The following KLHDC7A variants were observed in gnomAD, a reference collection of about 807,000 sequenced individuals.
KLHDC7A encodes kelch domain-containing protein 7A.
For synonymous variants in KLHDC7A, 464 were observed against 461.0 expected, an observed-to-expected ratio of 1.01 and a Z score of -0.08; for missense variants, 1,123 against 1,052.6, an observed-to-expected ratio of 1.07 and a Z score of -0.93.
chr1:18,483,218 T>C lies in KLHDC7A; in HGVS notation c.2237T>C (p.Val746Ala). ...FLADSVSPRF[V>A]PKELRSFPAP... Reference sequence around the variant, plus strand: ...GCAGACTCTGTCTCACCCAGGTTTGTGCCCAAGGAGCTGCGGAGTTTCCCG... The same window carrying C: ...GCAGACTCTGTCTCACCCAGGTTTGCGCCCAAGGAGCTGCGGAGTTTCCCG... Residue 746 changes from valine (V) to alanine (A), a missense_variant, in exon 1 of 1, where the codon GTG becomes GCG. Physicochemically the swap from Val to Ala is moderately conservative, Grantham distance 64. Transcript: ENST00000400664. 6.2e-7 allele frequency: 1 copy of C among 1,614,020 alleles called. No homozygotes were observed. The highest frequency in any genetic ancestry group is 8.5e-7 in the Non-Finnish European group (1 of 1,180,024).
Position 18,481,142 on chromosome 1 carries a change from C to A in KLHDC7A, c.161C>A (p.Ala54Glu). 1 of 1,613,114 alleles carries A rather than the reference C, an allele frequency of 6.2e-7. No homozygotes were observed. Reference protein sequence around the residue: ...PAQRWGGNGQAEAKEEAEGSG... With the variant: ...PAQRWGGNGQEEAKEEAEGSG... The stretch of plus-strand genomic sequence containing the variant: ...CAGCGGTGGGGTGGGAATGGCCAGG[C>A]AGAAGCCAAGGAGGAAGCAGAGGGC... Residue 54 changes from alanine to glutamate, a missense_variant, in exon 1 of 1, where the codon GCA (alanine) becomes GAA (glutamate). Ala to Glu is a moderately radical substitution (Grantham distance 107). Transcript: ENST00000400664.
chr1:18,483,249 G>T lies in KLHDC7A; in HGVS notation c.2268G>T (p.Pro756=), dbSNP rs762203639. The T allele has an allele frequency of 1.4e-5, 23 of 1,613,670 alleles. No individual in the cohort carries two copies. The highest frequency in any genetic ancestry group is 6.6e-5 in the South Asian group (6 of 91,088). ...AGGAGCTGCGGAGTTTCCCGGCCCC[G>T]CAGGGCACCCTCCTGCCCACCGTCC... ...VPKELRSFPA[P]QGTLLPTVLT... is the part of the protein sequence containing the mutation. Residue 756 remains proline (P), a synonymous_variant, in exon 1 of 1, where the codon CCG becomes CCT. Transcript: ENST00000400664.
rs2086929825 is a variant in KLHDC7A at position 18,485,921 on chromosome 1, TG to T, written c.*2607del. ...TCACTGGAAAGGAAAGATGATGCTCTGTTTTAAACATTAAAAGTATACAAGT... is the reference window on the plus strand; with the variant it reads ...TCACTGGAAAGGAAAGATGATGCTCTTTTTAAACATTAAAAGTATACAAGT... On this transcript the variant is annotated 3_prime_UTR_variant, in exon 1 of 1. Coordinates refer to ENST00000400664, the MANE Select transcript of KLHDC7A (RefSeq NM_152375.3). 2.4e-5 allele frequency: 4 copies of T among 166,968 alleles called. No homozygotes were observed. Among genetic ancestry groups the T allele is most frequent in the South Asian group, 2.1e-4 (1 of 4,814 alleles). The allele number at this position is 166,968 out of a possible 1,614,324, so 10.3% of individuals were successfully genotyped here. A position where few individuals can be genotyped will look rare whatever the true frequency, so the allele number is the denominator to read the frequency against.
rs763636692 is a variant in KLHDC7A at position 18,483,981 on chromosome 1, T to A, written c.*666T>A. The A allele has an allele frequency of 7.7e-7, 1 of 1,304,240 alleles. No individual in the cohort carries two copies. The highest frequency in any genetic ancestry group is 1.5e-5 in the African/African-American group (1 of 66,006). 80.8% of individuals were successfully genotyped at this position (1,304,240 alleles called of 1,614,324 possible). A position where few individuals can be genotyped will look rare whatever the true frequency, so the allele number is the denominator to read the frequency against. On this transcript the variant is annotated 3_prime_UTR_variant, in exon 1 of 1. Transcript: ENST00000400664. Reference sequence around the variant, plus strand: ...ACCAAAGCCCACATTACTTTTCTCCTTATTGGAAGAAAGAGAAGCAGCCAT... The same window carrying A: ...ACCAAAGCCCACATTACTTTTCTCCATATTGGAAGAAAGAGAAGCAGCCAT...
Position 18,482,254 on chromosome 1 carries a change from G to A in KLHDC7A, c.1273G>A (p.Ala425Thr), listed in dbSNP as rs1242445241. ...CCATATCCCGCTCACCCCTGCTTCA[G>A]CCCCACAGGTCCGCCTGGATCTGGG... The part of the protein sequence containing the change: ...FFHIPLTPAS[A>T]PQVRLDLGNC... The change falls in exon 1 of 1, where the codon GCC (alanine) becomes ACC (threonine). Residue 425 changes from alanine (A) to threonine (T), a missense_variant. Physicochemically the swap from Ala to Thr is moderately conservative, Grantham distance 58. Coordinates refer to ENST00000400664, the MANE Select transcript of KLHDC7A (RefSeq NM_152375.3). 5 of 1,605,718 alleles carry A rather than the reference G, an allele frequency of 3.1e-6. No homozygotes were observed. The highest frequency in any genetic ancestry group is 4.2e-6 in the Non-Finnish European group (5 of 1,179,926).
At position 18,482,782 on chromosome 1, in the gene KLHDC7A, T is replaced by C. The variant is rs1355796248; in HGVS notation, c.1801T>C (p.Ser601Pro). ...LYAIGGECLN[S>P]VERYDPRLDR... Reference sequence around the variant, plus strand: ...TGCCATCGGCGGAGAGTGTCTGAACTCGGTGGAGCGTTACGACCCCCGCCT... The same window carrying C: ...TGCCATCGGCGGAGAGTGTCTGAACCCGGTGGAGCGTTACGACCCCCGCCT... Residue 601 changes from serine (S) to proline (P), a missense_variant, in exon 1 of 1, where the codon TCG becomes CCG. Ser to Pro is a moderately conservative substitution (Grantham distance 74). Coordinates refer to ENST00000400664, the MANE Select transcript of KLHDC7A (RefSeq NM_152375.3). The C allele has an allele frequency of 6.2e-7, 1 of 1,609,072 alleles. No individual in the cohort carries two copies.
Position 18,481,455 on chromosome 1 carries a change from C to T in KLHDC7A, c.474C>T (p.Phe158=). ...GCAGTAACCCTGACCCTCCCCATTTCCCCCGCTTGGGCAGCGAACCGAAGA... is the reference window on the plus strand; with the variant it reads ...GCAGTAACCCTGACCCTCCCCATTTTCCCCGCTTGGGCAGCGAACCGAAGA... ...AVGSNPDPPH[F]PRLGSEPKSS... Residue 158 remains phenylalanine, a synonymous_variant, in exon 1 of 1, where the codon TTC becomes TTT. Transcript: ENST00000400664. The T allele has an allele frequency of 6.2e-7, 1 of 1,613,546 alleles. No homozygotes were observed. The highest frequency in any genetic ancestry group is 8.5e-7 in the Non-Finnish European group (1 of 1,179,876).
Position 18,482,159 on chromosome 1 carries a change from G to A in KLHDC7A, c.1178G>A (p.Gly393Asp). The change falls in exon 1 of 1, where the codon GGC (glycine) becomes GAC (aspartate). Residue 393 changes from glycine to aspartate, a missense_variant. By Grantham distance (94) the Gly-to-Asp change is moderately conservative. Transcript: ENST00000400664. ...CCCGCTCCACCCTGCCCAGACCCGG[G>A]CGCCCTGCCTGGCTTAGGCAGAAGC... ...RLPAPPCPDP[G>D]ALPGLGRSSR... 6.2e-7 allele frequency: 1 copy of A among 1,611,636 alleles called. No homozygotes were observed. The highest frequency in any genetic ancestry group is 8.5e-7 in the Non-Finnish European group (1 of 1,179,786).
rs1248306450 is a variant in KLHDC7A at position 18,481,095 on chromosome 1, C to G, written c.114C>G (p.Tyr38Ter). The change falls in exon 1 of 1, where the codon TAC becomes TAG. Residue 38 changes from tyrosine to a stop codon, truncating the protein, a stop_gained. Transcript: ENST00000400664. LOFTEE classifies it low-confidence loss of function (END_TRUNC). ...TGGTGACTGTGGCCTACAGGCTGTA[C>G]AAGTCGAGGCCTGCCCCAGCCCAGC... Reference protein sequence around the residue: ...LLLVTVAYRLYKSRPAPAQRW... With the variant: ...LLLVTVAYRL The G allele has an allele frequency of 2.5e-6, 4 of 1,613,888 alleles. No homozygotes were observed. Among genetic ancestry groups the G allele is most frequent in the Non-Finnish European group, 3.4e-6 (4 of 1,180,000 alleles).
Position 18,484,226 on chromosome 1 carries a change from G to A in KLHDC7A, c.*911G>A, listed in dbSNP as rs1302188610. The A allele has an allele frequency of 5.1e-6, 2 of 392,438 alleles. No homozygotes were observed. The highest frequency in any genetic ancestry group is 3.4e-5 in the Admixed American group (1 of 29,226). The allele number at this position is 392,438 out of a possible 1,614,324, so 24.3% of individuals were successfully genotyped here. ...GGTGACAGCATAATTTGCCCTCCTT[G>A]TGCCAGGTACGGTCACCTGGTTTGC... On this transcript the variant is annotated 3_prime_UTR_variant, in exon 1 of 1. Coordinates refer to ENST00000400664, the MANE Select transcript of KLHDC7A (RefSeq NM_152375.3).
rs199774980 is a variant in KLHDC7A at position 18,482,065 on chromosome 1, C to T, written c.1084C>T (p.Arg362Trp). 24 of 1,612,598 alleles carry T rather than the reference C, an allele frequency of 1.5e-5. No homozygotes were observed. The highest frequency in any genetic ancestry group is 2.2e-5 in the East Asian group (1 of 44,862). ...GPWPSTRGFSRKESLLQIAEN... is the reference protein window; with the variant it reads ...GPWPSTRGFSWKESLLQIAEN... ...GTGGCCCTCCACCCGAGGCTTCAGC[C>T]GGAAGGAGAGCCTTCTGCAGATAGC... Residue 362 changes from arginine (R) to tryptophan (W), a missense_variant, in exon 1 of 1, where the codon CGG (arginine) becomes TGG (tryptophan). By Grantham distance (101) the Arg-to-Trp change is moderately radical (BLOSUM62 -3). Coordinates refer to ENST00000400664, the MANE Select transcript of KLHDC7A (RefSeq NM_152375.3).
rs1235439871 is a variant in KLHDC7A at position 18,484,041 on chromosome 1, G to C, written c.*726G>C. The C allele has an allele frequency of 1.3e-5, 17 of 1,304,070 alleles. No individual in the cohort carries two copies. Among genetic ancestry groups the C allele is most frequent in the Non-Finnish European group, 1.7e-5 (17 of 988,768 alleles). 80.8% of individuals were successfully genotyped at this position (1,304,070 alleles called of 1,614,324 possible). A position where few individuals can be genotyped will look rare whatever the true frequency, so the allele number is the denominator to read the frequency against. On this transcript the variant is annotated 3_prime_UTR_variant, in exon 1 of 1. Transcript: ENST00000400664. ...CTATCTTCTGGTGGAGGTCTGCTAA[G>C]GATACACGGAGGTCTCAGCAAAGGG...
At position 18,483,132 on chromosome 1, in the gene KLHDC7A, G is replaced by C. The variant is rs992993689; in HGVS notation, c.2151G>C (p.Gln717His). 2 of 1,613,902 alleles carry C rather than the reference G, an allele frequency of 1.2e-6. No homozygotes were observed. Among genetic ancestry groups the C allele is most frequent in the African/African-American group, 2.7e-5 (2 of 74,942 alleles). Residue 717 changes from glutamine (Q) to histidine (H), a missense_variant, in exon 1 of 1, where the codon CAG (glutamine) becomes CAC (histidine). By Grantham distance (24) the Gln-to-His change is conservative. Coordinates refer to ENST00000400664, the MANE Select transcript of KLHDC7A (RefSeq NM_152375.3). ...TYRTPYPDAFQCAVVDNLIYC... is the reference protein window; with the variant it reads ...TYRTPYPDAFHCAVVDNLIYC... ...GGACGCCTTACCCGGATGCCTTCCA[G>C]TGCGCCGTGGTGGACAACCTCATCT...
chr1:18,482,447 G>T lies in KLHDC7A; in HGVS notation c.1466G>T (p.Arg489Leu). 1 of 1,610,156 alleles carries T rather than the reference G, an allele frequency of 6.2e-7. No homozygotes were observed. Among genetic ancestry groups the T allele is most frequent in the Middle Eastern group, 1.7e-4 (1 of 6,052 alleles). Residue 489 changes from arginine to leucine, a missense_variant, in exon 1 of 1, where the codon CGG becomes CTG. Transcript: ENST00000400664. The part of the protein sequence containing the change: ...ERELILQRRL[R>L]GRQYLVVADV... ...GAGCTGATCCTGCAGCGCCGGCTCC[G>T]GGGCCGCCAGTACCTGGTGGTGGCT...
In KLHDC7A at chr1:18,482,075, G is replaced by T; in HGVS notation, c.1094G>T (p.Ser365Ile). Reference sequence around the variant, plus strand: ...ACCCGAGGCTTCAGCCGGAAGGAGAGCCTTCTGCAGATAGCGGAGAACCCA... The same window carrying T: ...ACCCGAGGCTTCAGCCGGAAGGAGATCCTTCTGCAGATAGCGGAGAACCCA... The part of the protein sequence containing the change: ...PSTRGFSRKE[S>I]LLQIAENPEL... Residue 365 changes from serine to isoleucine, a missense_variant, in exon 1 of 1, where the codon AGC becomes ATC. By Grantham distance (142) the Ser-to-Ile change is moderately radical. Coordinates refer to ENST00000400664, the MANE Select transcript of KLHDC7A (RefSeq NM_152375.3). The T allele has an allele frequency of 4.3e-6, 7 of 1,612,742 alleles. No homozygotes were observed. Among genetic ancestry groups the T allele is most frequent in the Non-Finnish European group, 5.9e-6 (7 of 1,179,870 alleles).
rs970648257 is a variant in KLHDC7A at position 18,483,398 on chromosome 1, G to A, written c.*83G>A. On this transcript the variant is annotated 3_prime_UTR_variant, in exon 1 of 1. Transcript: ENST00000400664. Reference sequence around the variant, plus strand: ...CCGTCCCTCTGGGGGCCATTTCTAGGCAAACAGGCAACCCAGGAATGTGGC... The same window carrying A: ...CCGTCCCTCTGGGGGCCATTTCTAGACAAACAGGCAACCCAGGAATGTGGC... 1.6e-5 allele frequency: 24 copies of A among 1,547,368 alleles called. No homozygotes were observed. In the African/African-American group the frequency reaches 2.9e-4, roughly 19 times the overall value.
rs750747962 is a variant in KLHDC7A, at chr1:18,481,531, G to A, written c.550G>A (p.Glu184Lys). The change falls in exon 1 of 1, where the codon GAG becomes AAG. Residue 184 changes from glutamate (E) to lysine (K), a missense_variant. By Grantham distance (56) the Glu-to-Lys change is moderately conservative. Transcript: ENST00000400664. ...AAADGSCAGG[E>K]PSPWQDSKPR... is the part of the protein sequence containing the mutation. Reference sequence around the variant, plus strand: ...AGCCGACGGCAGCTGTGCCGGTGGTGAGCCTTCTCCATGGCAGGACAGTAA... The same window carrying A: ...AGCCGACGGCAGCTGTGCCGGTGGTAAGCCTTCTCCATGGCAGGACAGTAA... 6.2e-7 allele frequency: 1 copy of A among 1,613,224 alleles called. No homozygotes were observed. The highest frequency in any genetic ancestry group is 8.5e-7 in the Non-Finnish European group (1 of 1,179,970).
chr1:18,482,909 T>G lies in KLHDC7A; in HGVS notation c.1928T>G (p.Leu643Arg), dbSNP rs1316131624. The G allele has an allele frequency of 1.2e-6, 2 of 1,610,056 alleles. No individual in the cohort carries two copies. Among genetic ancestry groups the G allele is most frequent in the African/African-American group, 1.3e-5 (1 of 75,036 alleles). The change falls in exon 1 of 1, where the codon CTG (leucine) becomes CGG (arginine). Residue 643 changes from leucine (L) to arginine (R), a missense_variant. By Grantham distance (102) the Leu-to-Arg change is moderately radical. Transcript: ENST00000400664. ...AKEIFVTGGS[L>R]RFLLFRFSAQ... The stretch of plus-strand genomic sequence containing the variant: ...GAAATCTTCGTCACCGGCGGCTCGC[T>G]GCGCTTCCTGCTGTTCCGCTTCTCT...
rs746757189 is a variant in KLHDC7A at position 18,481,787 on chromosome 1, G to A, written c.806G>A (p.Arg269Gln). Residue 269 changes from arginine to glutamine, a missense_variant, in exon 1 of 1, where the codon CGA (arginine) becomes CAA (glutamine). Transcript: ENST00000400664. ...SYTFSSIARV[R>Q]MEEHFIQKAE... ...ACCTTCTCATCCATAGCCCGCGTCC[G>A]AATGGAGGAGCATTTCATACAGAAG... The A allele has an allele frequency of 1.2e-6, 2 of 1,614,016 alleles. No homozygotes were observed. Among genetic ancestry groups the A allele is most frequent in the Non-Finnish European group, 1.7e-6 (2 of 1,180,022 alleles).
Sources: allele counts gnomAD v4.1 joint callset, GRCh38; gene constraint gnomAD v4.1.1; transcripts MANE v1.5; gene names NCBI Gene and HGNC (gene_info 2026-07-23, HGNC 2026-07-21).